Variants in WDPCP observed in about 807,000 individuals in gnomAD.
WDPCP encodes the protein WD repeat containing planar cell polarity effector.
Under a neutral mutation model 93.1 loss-of-function variants are expected in WDPCP, and 71 were observed. That is an observed-to-expected ratio of 0.76 (90% CI 0.63 to 0.93). The LOEUF is 0.93. WDPCP is among the 40% of genes least tolerant of loss of function. The pLI, the probability that WDPCP is intolerant of heterozygous loss-of-function variation, is 0.00. For missense variants in WDPCP, 844 were observed against 887.4 expected (o/e 0.95, Z 0.62); for synonymous variants, 315 against 315.0 (o/e 1.00, Z 0.00).
rs181901215 is a variant in WDPCP, at chr2:63,170,125, C to T, written c.2078+4545G>A. On this transcript the variant is annotated intron_variant, in intron 15 of 17. Coordinates refer to ENST00000272321, the MANE Select transcript of WDPCP (RefSeq NM_015910.7). The stretch of plus-strand genomic sequence containing the variant: ...CCCAGGCTGGTCTTGAGTCCCTGGG[C>T]TCAAGGGATCCTCCCACCTTGGCCT... Among the ~76,000 whole-genome samples, 8 of 151,564 alleles carry T rather than the reference C, an allele frequency of 5.3e-5. No homozygotes were observed. The East Asian group carries it at 7.8e-4, about 15-fold the overall frequency.
intron 1 of WDPCP, among the ~76,000 whole-genome samples, chr2:63,528,329 C>A (rs1484164375): frequency 6.6e-6 from 1 of 152,160 alleles, no homozygotes; most frequent in Non-Finnish European, 1.5e-5. Flanking sequence ...AGGTTTTCTG[C>A]TAGGGTTTTT....
Position 63,492,943 on chromosome 2 carries a change from G to T in WDPCP, c.76-3C>A. Reference sequence around the variant, plus strand: ...TGATGGCAGAAGGAATCTCTATCCTGTTTAAAAAATAATTAAAAAGAGGTG... The same window carrying T: ...TGATGGCAGAAGGAATCTCTATCCTTTTTAAAAAATAATTAAAAAGAGGTG... On this transcript the variant is annotated splice_region_variant and splice_polypyrimidine_tract_variant and intron_variant, in intron 1 of 17. Coordinates refer to ENST00000272321, the MANE Select transcript of WDPCP (RefSeq NM_015910.7). 6.2e-7 allele frequency: 1 copy of T among 1,612,456 alleles called. No individual in the cohort carries two copies. The highest frequency in any genetic ancestry group is 1.1e-5 in the South Asian group (1 of 90,926).
chr2:63,244,974 T>C (rs1170534265), intron 14 of WDPCP, among the ~76,000 whole-genome samples: 1 of 152,102 alleles, frequency 6.6e-6, no homozygotes, highest in African/African-American at 2.4e-5. Flanking sequence ...ATCCAAAATC[T>C]GAAGTGATCC....
intron 6 of WDPCP, among the ~76,000 whole-genome samples, chr2:63,452,226 T>C (rs1575446075): frequency 6.6e-6 from 1 of 152,198 alleles, no homozygotes; most frequent in Admixed American, 6.5e-5. Flanking sequence ...CTTAAGCTGA[T>C]AAGCAACTTC....
intron 2 of WDPCP, among the ~76,000 whole-genome samples, chr2:63,655,522 A>G (rs1406181925): frequency 6.6e-6 from 1 of 151,866 alleles, no homozygotes; most frequent in African/African-American, 2.4e-5. Context: ...GTACATGATA[A>G]TTTTCTTATT....
At chr2:63,396,050 G>A (rs969227878) in intron 10 of WDPCP, among the ~76,000 whole-genome samples, 3 of 152,034 alleles carry the variant, frequency 2.0e-5, no homozygotes, top group Non-Finnish European at 2.9e-5. Context: ...TTTTAAATGT[G>A]TGTATTTTAC....
intron 1 of WDPCP, among the ~76,000 whole-genome samples, chr2:63,551,682 G>C (rs1295945987): frequency 6.6e-6 from 1 of 152,146 alleles, no homozygotes; most frequent in Non-Finnish European, 1.5e-5. Flanking sequence ...ACAAGGACAT[G>C]TTGGACACAC....
chr2:63,522,987 T>A (rs1360636423), intron 1 of WDPCP, among the ~76,000 whole-genome samples: 1 of 152,126 alleles, frequency 6.6e-6, no homozygotes. Flanking sequence ...TACCAACGCC[T>A]GGCAGAGACA....
chr2:63,684,617 G>A lies in WDPCP; in HGVS notation n.309-33779C>T, dbSNP rs1173545474. On this transcript the variant is annotated intron_variant and non_coding_transcript_variant, in intron 2 of 4. Coordinates refer to the WDPCP transcript ENST00000467687. ...CAGTAAGGATGTCTTCAGAGATCCT[G>A]CTCTTAAACGCAAGGCCTGACGAGA... is the stretch of plus-strand genomic sequence containing the variant. 6.4e-5 allele frequency: 46 copies of A among 714,748 alleles called. No homozygotes were observed. In the East Asian group the frequency reaches 1.3e-3, roughly 20 times the overall value. 44.3% of individuals were successfully genotyped at this position (714,748 alleles called of 1,614,324 possible). A position where few individuals can be genotyped will look rare whatever the true frequency, so the allele number is the denominator to read the frequency against.
intron 13 of WDPCP, among the ~76,000 whole-genome samples, chr2:63,272,734 A>G (rs113751884): frequency 2.6e-5 from 4 of 152,356 alleles, no homozygotes; most frequent in African/African-American, 9.6e-5. Context: ...AAATAATCTA[A>G]GAACTGGAAG....
intron 9 of WDPCP, among the ~76,000 whole-genome samples, chr2:63,408,028 GCTCT>G (rs1441991886): frequency 1.3e-5 from 2 of 152,180 alleles, no homozygotes; most frequent in African/African-American, 2.4e-5. Context: ...TTTGTGAGAT[GCTCT>G]CTAATAGGCT....
intron 14 of WDPCP, among the ~76,000 whole-genome samples, chr2:63,253,623 C>CAACA (rs1470560954): frequency 6.6e-6 from 1 of 151,994 alleles, no homozygotes; most frequent in East Asian, 1.9e-4. Flanking sequence ...TACAAGCAGT[C>CAACA]AACAAACATG....
intron 2 of WDPCP, among the ~76,000 whole-genome samples, chr2:63,795,521 A>AAGAGAG (rs1670601614): frequency 2.0e-5 from 3 of 150,646 alleles, no homozygotes; most frequent in Admixed American, 2.0e-4. Context: ...GAAAGAAAGA[A>AAGAGAG]AGAGAGAAAG....
Position 63,753,345 on chromosome 2 carries a change from C to T in WDPCP, n.308+60277G>A, listed in dbSNP as rs1392435256. Among the ~76,000 whole-genome samples, 3 of 152,196 alleles carry T rather than the reference C, an allele frequency of 2.0e-5. No homozygotes were observed. The East Asian group carries it at 5.8e-4, about 29-fold the overall frequency. ...TCAGGAGGCTGAGGTGGAAGGATCACTTGAACCCAGGAGGCGGAGGTTGCA... is the reference window on the plus strand; with the variant it reads ...TCAGGAGGCTGAGGTGGAAGGATCATTTGAACCCAGGAGGCGGAGGTTGCA... On this transcript the variant is annotated intron_variant and non_coding_transcript_variant, in intron 2 of 4. Coordinates refer to the WDPCP transcript ENST00000467687.
chr2:63,189,517 G>T (rs1422318376), intron 14 of WDPCP, among the ~76,000 whole-genome samples: 1 of 152,102 alleles, frequency 6.6e-6, no homozygotes, highest in Non-Finnish European at 1.5e-5. Flanking sequence ...TTCCTAATCT[G>T]CCATCTTGCT....
rs11281691 is a variant in WDPCP, at chr2:63,494,287, T to TGACGACGACGAC, written c.76-1359_76-1348dup. On this transcript the variant is annotated intron_variant, in intron 1 of 17. Coordinates refer to ENST00000272321, the MANE Select transcript of WDPCP (RefSeq NM_015910.7). ...CACCAGATGATGATGATGATGATGATGACGACGACGACGACAATGATGATG... is the reference window on the plus strand; with the variant it reads ...CACCAGATGATGATGATGATGATGATGACGACGACGACGACGACGACGACGACAATGATGATG... Among the ~76,000 whole-genome samples the TGACGACGACGAC allele has an allele frequency of 2.8e-3, 417 of 150,442 alleles. 7 individuals are homozygous for TGACGACGACGAC. Among genetic ancestry groups the TGACGACGACGAC allele is most frequent in the African/African-American group, 7.5e-3 (308 of 40,888 alleles).
At chr2:63,338,658 T>G (rs895841267) in intron 12 of WDPCP, among the ~76,000 whole-genome samples, 5 of 146,036 alleles carry the variant, frequency 3.4e-5, no homozygotes, top group African/African-American at 1.2e-4. Flanking sequence ...TTATATGTAC[T>G]TGGTGTCTGT....
intron 1 of WDPCP, among the ~76,000 whole-genome samples, chr2:63,529,203 TA>T (rs1413292541): frequency 6.6e-6 from 1 of 152,208 alleles, no homozygotes. Context: ...GAATACCCTT[TA>T]TTTCCTTCTC....
In WDPCP at chr2:63,487,299, T is replaced by G. The variant is rs1330201428; in HGVS notation, c.208+148A>C. The G allele has an allele frequency of 5.1e-6, 3 of 593,274 alleles. No homozygotes were observed. In the East Asian group the frequency reaches 8.6e-5, roughly 17 times the overall value. The allele number at this position is 593,274 out of a possible 1,614,324, so 36.8% of individuals were successfully genotyped here. A position where few individuals can be genotyped will look rare whatever the true frequency, so the allele number is the denominator to read the frequency against. ...TATATAGAACAGATAGATATCAACC[T>G]CAGCATTTTTCTAAAGAACTGAAGG... On this transcript the variant is annotated intron_variant, in intron 3 of 17. Coordinates refer to ENST00000272321, the MANE Select transcript of WDPCP (RefSeq NM_015910.7).
Sources: gnomAD v4.1 joint callset for allele counts (sites outside exome capture counted in the v4.1 genomes callset) on GRCh38, gnomAD v4.1.1 for gene constraint, MANE v1.5 for transcripts, NCBI Gene and HGNC (gene_info 2026-07-23, HGNC 2026-07-21) for gene names.